Variants in VOPP1 observed in about 807,000 individuals in gnomAD.
The protein encoded by VOPP1 is VOPP1 WW domain binding protein, also known as WW domain binding protein VOPP1.
VOPP1 carries 8 observed loss-of-function variants against 23.5 expected under a neutral mutation model. The ratio of observed to expected loss-of-function variants is 0.34; its 90% CI spans 0.20 to 0.61. The LOEUF is 0.61. VOPP1 is among the 20% of genes least tolerant of loss of function. The pLI is 0.78. For synonymous variants in VOPP1, 83 were observed against 97.3 expected (o/e 0.85, Z 0.86); for missense variants, 174 against 238.1 (o/e 0.73, Z 1.77).
At chr7:55,537,561 C>T in intron 1 of VOPP1, 2 of 1,535,986 alleles carry the variant, frequency 1.3e-6, no homozygotes, top group African/African-American at 2.7e-5. Context: ...CAGCGCACCT[C>T]CTCGCCAGCC....
At chr7:55,566,421 C>T (rs954762633) in intron 1 of VOPP1, among the ~76,000 whole-genome samples, 4 of 151,992 alleles carry the variant, frequency 2.6e-5, no homozygotes, top group Admixed American at 2.6e-4. Context: ...ATTAGCTGGG[C>T]TGTGGTAGCG....
rs1797394095 is a variant in VOPP1, at chr7:55,547,023, C to T, written c.54+25248G>A. On this transcript the variant is annotated intron_variant, in intron 1 of 4. Coordinates refer to ENST00000285279, the MANE Select transcript of VOPP1 (RefSeq NM_030796.5). ...CAACACAGCTCTCTCGACCCACATT[C>T]TGCCAACCGCCCAGACTGGCAGAAG... Among the ~76,000 whole-genome samples the T allele has an allele frequency of 2.0e-5, 3 of 152,402 alleles. No homozygotes were observed. The South Asian group carries it at 6.2e-4, about 32-fold the overall frequency.
At chr7:55,497,986 A>G (rs1439502989) in intron 2 of VOPP1, among the ~76,000 whole-genome samples, 1 of 152,170 alleles carries the variant, frequency 6.6e-6, no homozygotes, top group African/African-American at 2.4e-5. Flanking sequence ...GCACAACCAA[A>G]GACAGACATT....
rs145202788 is a variant in VOPP1, at chr7:55,448,902, A to G, written n.418-12728T>C. ...ATTTAAAAGTGAAAAACAAAATGGG[A>G]AGAGGGGGTTAAATAAACTGGAACA... On this transcript the variant is annotated intron_variant and non_coding_transcript_variant, in intron 4 of 4. Coordinates refer to the VOPP1 transcript ENST00000462326. Among the ~76,000 whole-genome samples the G allele has an allele frequency of 5.7e-4, 85 of 148,982 alleles. 2 individuals carry two copies. The highest frequency in any genetic ancestry group is 2.0e-3 in the African/African-American group (81 of 41,162).
intron 4 of VOPP1, among the ~76,000 whole-genome samples, chr7:55,486,246 C>T (rs1188673665): frequency 6.6e-6 from 1 of 152,210 alleles, no homozygotes; most frequent in Admixed American, 6.5e-5. Flanking sequence ...ACCAACAGGG[C>T]AGGCTGTAAA....
intron 1 of VOPP1, among the ~76,000 whole-genome samples, chr7:55,557,334 G>A (rs1173136518): frequency 6.6e-6 from 1 of 152,050 alleles, no homozygotes; most frequent in African/African-American, 2.4e-5. Flanking sequence ...AACACCATGT[G>A]CTTACTTAAA....
chr7:55,535,973 G>A (rs1333444625), intron 1 of VOPP1, among the ~76,000 whole-genome samples: 1 of 152,194 alleles, frequency 6.6e-6, no homozygotes, highest in Non-Finnish European at 1.5e-5. Flanking sequence ...CCCACACTCT[G>A]TGCCAAGCAA....
intron 1 of VOPP1, chr7:55,561,826 T>C: frequency 4.7e-6 from 3 of 635,786 alleles, no homozygotes; most frequent in South Asian, 3.5e-5. Flanking sequence ...AGGGAGTAGC[T>C]TGCCCAAGTC....
Position 55,514,938 on chromosome 7 carries a change from G to A in VOPP1, c.113+6134C>T, listed in dbSNP as rs117381107. 1.7e-4 allele frequency among the ~76,000 whole-genome samples: 26 copies of A among 152,314 alleles called. No individual in the cohort carries two copies. The East Asian group carries it at 4.1e-3, about 24-fold the overall frequency. The stretch of plus-strand genomic sequence containing the variant: ...TGAGCTGGGGCCGTGCAGTGCTGCT[G>A]GAATGGGTTCTGCCTCCTGCTGGAT... On this transcript the variant is annotated intron_variant, in intron 2 of 4. Transcript: ENST00000285279.
intron 2 of VOPP1, among the ~76,000 whole-genome samples, chr7:55,520,544 G>T (rs1795770640): frequency 6.6e-6 from 1 of 152,202 alleles, no homozygotes; most frequent in South Asian, 2.1e-4. Flanking sequence ...CACTGAGGGG[G>T]CACTGGAAGG....
chr7:55,559,815 A>G (rs1248197938), intron 1 of VOPP1, among the ~76,000 whole-genome samples: 2 of 152,192 alleles, frequency 1.3e-5, no homozygotes, highest in Admixed American at 6.5e-5. Flanking sequence ...TCCACTGCCC[A>G]TGTCAGCCCC....
At chr7:55,499,062 G>C (rs1301248299) in intron 2 of VOPP1, among the ~76,000 whole-genome samples, 1 of 152,094 alleles carries the variant, frequency 6.6e-6, no homozygotes, top group Non-Finnish European at 1.5e-5. Context: ...CCTGGCCCAT[G>C]AACATGAATC....
rs148065996 is a variant in VOPP1, at chr7:55,529,890, A to G, written c.55-8760T>C. ...ATGTTGCTGCATATATCAGCAATTCATTCCTTTCTAGTGTTGAACAATATT... is the reference window on the plus strand; with the variant it reads ...ATGTTGCTGCATATATCAGCAATTCGTTCCTTTCTAGTGTTGAACAATATT... On this transcript the variant is annotated intron_variant, in intron 1 of 4. Coordinates refer to ENST00000285279, the MANE Select transcript of VOPP1 (RefSeq NM_030796.5). Among the ~76,000 whole-genome samples, 113 of 152,354 alleles carry G rather than the reference A, an allele frequency of 7.4e-4. 1 individual carries two copies. The highest frequency in any genetic ancestry group is 2.6e-3 in the African/African-American group (110 of 41,588).
intron 4 of VOPP1, among the ~76,000 whole-genome samples, chr7:55,485,439 G>C (rs1259969156): frequency 6.6e-6 from 1 of 152,262 alleles, no homozygotes; most frequent in African/African-American, 2.4e-5. Flanking sequence ...AAGGCAGATA[G>C]AATGGAAATG....
intron 4 of VOPP1, among the ~76,000 whole-genome samples, chr7:55,440,239 G>A (rs1790930429): frequency 6.6e-6 from 1 of 152,220 alleles, no homozygotes. Flanking sequence ...CAAAAGCTGA[G>A]TGGAAATGCT....
intron 2 of VOPP1, among the ~76,000 whole-genome samples, chr7:55,500,287 T>C (rs576153071): frequency 1.3e-5 from 2 of 152,364 alleles, no homozygotes; most frequent in East Asian, 1.9e-4. Flanking sequence ...GTCTCTGCCC[T>C]TGCAGACTGG....
chr7:55,569,430 C>A (rs148420059), intron 1 of VOPP1, among the ~76,000 whole-genome samples: 26 of 152,162 alleles, frequency 1.7e-4, no homozygotes, highest in African/African-American at 6.3e-4. Context: ...ACTGCCCTCG[C>A]GATGTAGAGC....
intron 2 of VOPP1, among the ~76,000 whole-genome samples, chr7:55,498,323 C>A (rs1794119557): frequency 6.6e-6 from 1 of 152,222 alleles, no homozygotes. Flanking sequence ...TCACTGCTCA[C>A]GCTGCCTCCC....
intron 1 of VOPP1, among the ~76,000 whole-genome samples, chr7:55,549,176 G>T (rs1002677409): frequency 6.6e-5 from 10 of 152,198 alleles, no homozygotes; most frequent in African/African-American, 2.4e-4. Context: ...CTAAAGGTTC[G>T]ACAGGGGAGA....
Sources: gnomAD v4.1 joint callset for allele counts (sites outside exome capture counted in the v4.1 genomes callset) on GRCh38, gnomAD v4.1.1 for gene constraint, MANE v1.5 for transcripts, NCBI Gene and HGNC (gene_info 2026-07-23, HGNC 2026-07-21) for gene names.